COMMD10: variants seen among roughly 807,000 people sequenced by gnomAD.
COMMD10 encodes the protein COMM domain containing 10.
A neutral mutation model predicts 28.9 loss-of-function variants in COMMD10; 33 were observed. The observed-to-expected ratio is 1.14, with a 90% CI of 0.87 to 1.53. The LOEUF (loss-of-function observed/expected upper bound fraction) is 1.53. Among genes scored for constraint, COMMD10 ranks in the 40% most tolerant of loss-of-function variants. The pLI is 0.00. For synonymous variants in COMMD10, 110 were observed against 81.7 expected, an observed-to-expected ratio of 1.35 and a Z score of -1.87; for missense variants, 310 against 233.4, an observed-to-expected ratio of 1.33 and a Z score of -2.14.
intron 4 of COMMD10, among the ~76,000 whole-genome samples, chr5:116,114,802 T>C (rs890990465): frequency 1.3e-5 from 2 of 152,192 alleles, no homozygotes; most frequent in African/African-American, 4.8e-5. Context: ...ATCCCGACTC[T>C]TGCAGCTGAT....
intron 5 of COMMD10, among the ~76,000 whole-genome samples, chr5:116,177,518 C>CG (rs1753554825): frequency 8.1e-6 from 1 of 122,862 alleles, no homozygotes; most frequent in African/African-American, 4.6e-5. Flanking sequence ...CTTAAAATGT[C>CG]TAAGTGACCC....
chr5:116,164,750 A>C (rs1233900555), intron 5 of COMMD10, among the ~76,000 whole-genome samples: 1 of 151,864 alleles, frequency 6.6e-6, no homozygotes, highest in African/African-American at 2.4e-5. Context: ...CACTTAACTA[A>C]GAGTTAGTTG....
intron 5 of COMMD10, among the ~76,000 whole-genome samples, chr5:116,179,034 C>T (rs1323813381): frequency 6.6e-6 from 1 of 151,852 alleles, no homozygotes; most frequent in African/African-American, 2.4e-5. Flanking sequence ...TGCTTCTGTC[C>T]CCATGTTTAC....
chr5:116,163,742 A>C (rs1753000376), intron 5 of COMMD10, among the ~76,000 whole-genome samples: 1 of 152,184 alleles, frequency 6.6e-6, no homozygotes, highest in Admixed American at 6.5e-5. Flanking sequence ...TAAAGCACTA[A>C]GTTATGTCTT....
At chr5:116,290,975 G>A (rs544920960) in intron 5 of COMMD10, among the ~76,000 whole-genome samples, 1 of 152,266 alleles carries the variant, frequency 6.6e-6, no homozygotes, top group South Asian at 2.1e-4. Context: ...GAGTGTTTAA[G>A]TCCTGACTTT....
intron 5 of COMMD10, among the ~76,000 whole-genome samples, chr5:116,241,779 AT>A (rs1749821461): frequency 6.6e-6 from 1 of 151,670 alleles, no homozygotes; most frequent in South Asian, 2.1e-4. Flanking sequence ...CGCCCAGCTA[AT>A]TTTTTGTATT....
intron 4 of COMMD10, among the ~76,000 whole-genome samples, chr5:116,121,333 A>AGT: frequency 6.6e-6 from 1 of 152,200 alleles, no homozygotes; most frequent in Non-Finnish European, 1.5e-5. Context: ...ATGGCTGCAT[A>AGT]GTATTCCGTG....
intron 4 of COMMD10, among the ~76,000 whole-genome samples, chr5:116,111,280 G>T (rs1231229184): frequency 6.6e-6 from 1 of 151,528 alleles, no homozygotes; most frequent in Non-Finnish European, 1.5e-5. Context: ...GTTTTGCTCT[G>T]ATCCATGTTA....
At chr5:116,157,604 A>T (rs1752760222) in intron 5 of COMMD10, among the ~76,000 whole-genome samples, 1 of 152,212 alleles carries the variant, frequency 6.6e-6, no homozygotes, top group African/African-American at 2.4e-5. Flanking sequence ...TCTGTTGGCC[A>T]AAGGAATTTG....
intron 5 of COMMD10, among the ~76,000 whole-genome samples, chr5:116,193,615 A>G (rs551115759): frequency 6.6e-6 from 1 of 152,302 alleles, no homozygotes; most frequent in Non-Finnish European, 1.5e-5. Flanking sequence ...GTCCAACAGG[A>G]AAATGTCACA....
chr5:116,157,430 C>G (rs1752753660), intron 5 of COMMD10, among the ~76,000 whole-genome samples: 1 of 152,192 alleles, frequency 6.6e-6, no homozygotes, highest in East Asian at 1.9e-4. Flanking sequence ...TTTGCCGGGT[C>G]TAGTTTGGGA....
intron 5 of COMMD10, among the ~76,000 whole-genome samples, chr5:116,226,190 T>G (rs1291710039): frequency 1.3e-5 from 2 of 152,036 alleles, no homozygotes; most frequent in East Asian, 3.9e-4. Flanking sequence ...AGTAGTTTGT[T>G]TGCTTTAATC....
At chr5:116,267,654 CA>C (rs1437688426) in intron 5 of COMMD10, among the ~76,000 whole-genome samples, 1 of 151,762 alleles carries the variant, frequency 6.6e-6, no homozygotes, top group Admixed American at 6.6e-5. Context: ...AATCATAAGC[CA>C]AAAGAACAAA....
intron 5 of COMMD10, among the ~76,000 whole-genome samples, chr5:116,135,828 C>A (rs74594083): frequency 0.029 from 4,349 of 152,298 alleles, 104 homozygotes; most frequent in East Asian, 0.13. Context: ...CATCCCCCCA[C>A]AGTGGGCAGG....
At chr5:116,224,090 A>G (rs1749331218) in intron 5 of COMMD10, among the ~76,000 whole-genome samples, 1 of 152,120 alleles carries the variant, frequency 6.6e-6, no homozygotes, top group Non-Finnish European at 1.5e-5. Flanking sequence ...TTTAACGGTG[A>G]TCTTTCTGTT....
At chr5:116,280,561 C>A (rs1751043317) in intron 5 of COMMD10, among the ~76,000 whole-genome samples, 1 of 151,842 alleles carries the variant, frequency 6.6e-6, no homozygotes, top group Non-Finnish European at 1.5e-5. Context: ...TGCCATGGTA[C>A]ATTCATCTTT....
chr5:116,093,452 C>T (rs1186509933), intron 4 of COMMD10, among the ~76,000 whole-genome samples: 1 of 152,106 alleles, frequency 6.6e-6, no homozygotes, highest in Non-Finnish European at 1.5e-5. Context: ...AGTGAGAGAT[C>T]CCTAGCTGTC....
intron 5 of COMMD10, among the ~76,000 whole-genome samples, chr5:116,176,256 C>T (rs1207775255): frequency 6.6e-6 from 1 of 152,154 alleles, no homozygotes; most frequent in Non-Finnish European, 1.5e-5. Context: ...AGATTACAGG[C>T]ATGTGCCACC....
At chr5:116,272,910 G>T (rs541662759) in intron 5 of COMMD10, among the ~76,000 whole-genome samples, 2 of 151,882 alleles carry the variant, frequency 1.3e-5, no homozygotes, top group Admixed American at 6.6e-5. Context: ...CTCTCAAATG[G>T]ATGTGGATGG....
Sources: allele counts gnomAD v4.1 joint callset (sites outside exome capture counted in the v4.1 genomes callset), GRCh38; gene constraint gnomAD v4.1.1; transcripts MANE v1.5; gene names NCBI Gene and HGNC (gene_info 2026-07-23, HGNC 2026-07-21).